Variants in EZH1 observed in about 807,000 individuals in gnomAD.
The protein encoded by EZH1 is enhancer of zeste 1 polycomb repressive complex 2 subunit.
EZH1 carries 33 observed loss-of-function variants against 100.5 expected under a neutral mutation model. The observed-to-expected ratio is 0.33, with a 90% CI of 0.25 to 0.44. EZH1 has a LOEUF of 0.44. EZH1 is among the 20% of genes least tolerant of loss of function. The pLI, the probability that EZH1 is intolerant of heterozygous loss-of-function variation, is 1.00. For missense variants in EZH1, 475 were observed against 928.4 expected (o/e 0.51, Z 6.35); for synonymous variants, 272 against 313.8 (o/e 0.87, Z 1.41).
In EZH1 at chr17:42,745,010, C is replaced by T; in HGVS notation, c.-103+1G>A. 1 of 1,273,816 alleles carries T rather than the reference C, an allele frequency of 7.9e-7. No individual in the cohort carries two copies. Among genetic ancestry groups the T allele is most frequent in the Non-Finnish European group, 1.0e-6 (1 of 982,810 alleles). The allele number at this position is 1,273,816 out of a possible 1,614,324, so 78.9% of individuals were successfully genotyped here. On this transcript the variant is annotated splice_donor_variant, in intron 1 of 20. Transcript: ENST00000428826. LOFTEE classifies it low-confidence loss of function (5UTR_SPLICE). Reference sequence around the variant, plus strand: ...CGGCCCAGGCTTGTTTACTCACTCACCCTCCATCCCGAGCCGCGGGTCCCG... The same window carrying T: ...CGGCCCAGGCTTGTTTACTCACTCATCCTCCATCCCGAGCCGCGGGTCCCG...
intron 1 of EZH1, among the ~76,000 whole-genome samples, chr17:42,743,553 T>G (rs2054219142): frequency 6.6e-6 from 1 of 151,596 alleles, no homozygotes; most frequent in Non-Finnish European, 1.5e-5. Context: ...CATTGCAACC[T>G]TGACCTCCCA....
intron 10 of EZH1, among the ~76,000 whole-genome samples, chr17:42,713,659 G>C (rs944343504): frequency 6.6e-6 from 1 of 152,134 alleles, no homozygotes; most frequent in African/African-American, 2.4e-5. Context: ...ATGGAGTGCA[G>C]AGGCCTGCTC....
intron 10 of EZH1, among the ~76,000 whole-genome samples, chr17:42,713,605 G>T (rs775610359): frequency 5.9e-5 from 9 of 151,678 alleles, no homozygotes; most frequent in South Asian, 2.1e-4. Context: ...ATGTTTTTTT[G>T]TTTGTTTGTT....
intron 12 of EZH1, among the ~76,000 whole-genome samples, chr17:42,711,148 C>G (rs1294048046): frequency 6.6e-6 from 1 of 151,932 alleles, no homozygotes; most frequent in African/African-American, 2.4e-5. Context: ...CCAGCCTGGC[C>G]AACATGGTGA....
chr17:42,708,763 CA>C (rs2053414430), intron 14 of EZH1, 112 bp downstream of exon 14: 2 of 1,138,686 alleles, frequency 1.8e-6, no homozygotes, highest in Non-Finnish European at 2.7e-6. Flanking sequence ...GAGAATTCTG[CA>C]ATCTGCGGAA....
chr17:42,724,419 G>A lies in EZH1; in HGVS notation c.252C>T (p.Thr84=), dbSNP rs745825740. The A allele has an allele frequency of 1.2e-6, 2 of 1,613,640 alleles. No individual in the cohort carries two copies. The highest frequency in any genetic ancestry group is 1.7e-6 in the Non-Finnish European group (2 of 1,179,752). ...CAAATCCCGGGAAAATGCTCTCTATGGTACACTGAAATATAAGCAATGACA... is the reference window on the plus strand; with the variant it reads ...CAAATCCCGGGAAAATGCTCTCTATAGTACACTGAAATATAAGCAATGACA... ...VSGHPFLKKC[T]IESIFPGFAS... The change falls in exon 5 of 21, where the codon ACC becomes ACT. Residue 84 remains threonine, a synonymous_variant. Transcript: ENST00000428826.
intron 1 of EZH1, among the ~76,000 whole-genome samples, chr17:42,739,627 T>C (rs2054137834): frequency 6.6e-6 from 1 of 151,696 alleles, no homozygotes; most frequent in South Asian, 2.1e-4. Context: ...CTCGGGAGGC[T>C]GAAGCAGGAG....
Position 42,702,290 on chromosome 17 carries a change from AAC to A in EZH1, c.*240_*241del, listed in dbSNP as rs2053257556. The A allele has an allele frequency of 4.6e-6, 2 of 430,438 alleles. No homozygotes were observed. Among genetic ancestry groups the A allele is most frequent in the Non-Finnish European group, 4.1e-6 (1 of 241,246 alleles). 26.7% of individuals were successfully genotyped at this position (430,438 alleles called of 1,614,324 possible). A position where few individuals can be genotyped will look rare whatever the true frequency, so the allele number is the denominator to read the frequency against. Reference sequence around the variant, plus strand: ...TGCTCGCTTCTTCTGAGGCCAGAGAAACAGTCTCCCATTTCTGTAACTCTCTG... The same window carrying A: ...TGCTCGCTTCTTCTGAGGCCAGAGAAAGTCTCCCATTTCTGTAACTCTCTG... On this transcript the variant is annotated 3_prime_UTR_variant, in exon 21 of 21. Coordinates refer to ENST00000428826, the MANE Select transcript of EZH1 (RefSeq NM_001991.5).
chr17:42,738,755 A>ATTTT (rs763333138), intron 1 of EZH1, among the ~76,000 whole-genome samples: 3 of 91,212 alleles, frequency 3.3e-5, no homozygotes, highest in African/African-American at 1.3e-4. Flanking sequence ...CCTGGCCTAG[A>ATTTT]TTTTTTTTTT....
chr17:42,743,448 G>A (rs1003839296), intron 1 of EZH1, among the ~76,000 whole-genome samples: 2 of 151,106 alleles, frequency 1.3e-5, no homozygotes, highest in Admixed American at 6.6e-5. Flanking sequence ...TGGGATTACA[G>A]GCATGAGCCA....
chr17:42,714,434 T>C (rs1171847425), intron 10 of EZH1: 1 of 339,752 alleles, frequency 2.9e-6, no homozygotes, highest in African/African-American at 2.1e-5. Context: ...AATCTGCATG[T>C]GGCGTGTGCC....
chr17:42,717,065 C>A (rs536341494), intron 10 of EZH1, among the ~76,000 whole-genome samples: 1 of 152,090 alleles, frequency 6.6e-6, no homozygotes, highest in Admixed American at 6.6e-5. Context: ...TTCATCGCTG[C>A]CATACCGCTG....
rs555041488 is a variant in EZH1, at chr17:42,703,855, A to T, written c.2018-35T>A. On this transcript the variant is annotated intron_variant, in intron 18 of 20. Coordinates refer to ENST00000428826, the MANE Select transcript of EZH1 (RefSeq NM_001991.5). ...GTAAATCAAGGAAAACCATAAGCAC[A>T]GCAGGCAATTCCACAGCTTCTCAGC... The T allele has an allele frequency of 2.1e-6, 3 of 1,444,860 alleles. No individual in the cohort carries two copies. The East Asian group carries it at 6.8e-5, about 33-fold the overall frequency. The allele number at this position is 1,444,860 out of a possible 1,614,324, so 89.5% of individuals were successfully genotyped here. A position where few individuals can be genotyped will look rare whatever the true frequency, so the allele number is the denominator to read the frequency against.
intron 14 of EZH1, among the ~76,000 whole-genome samples, chr17:42,708,632 G>T (rs1006068495): frequency 6.6e-6 from 1 of 152,210 alleles, no homozygotes; most frequent in African/African-American, 2.4e-5. Context: ...TCCAGCCTGG[G>T]TGACAGAGCG....
intron 18 of EZH1, among the ~76,000 whole-genome samples, chr17:42,704,219 A>C (rs1023418365): frequency 6.6e-6 from 1 of 152,094 alleles, no homozygotes; most frequent in Non-Finnish European, 1.5e-5. Context: ...CTAAACTTGG[A>C]CTACAGCAAG....
At position 42,702,981 on chromosome 17, in the gene EZH1, G is replaced by A. The variant is rs190357119; in HGVS notation, c.2099-20C>T. 1.4e-3 allele frequency: 2,197 copies of A among 1,613,366 alleles called. 31 individuals carry two copies. In the South Asian group the frequency reaches 0.016, roughly 12 times the overall value. ...TGACCACTGCAAGCAGGATAAACCC[G>A]AGGCTAGGTTCCTACCCAACTCCAA... On this transcript the variant is annotated intron_variant, in intron 19 of 20. Coordinates refer to ENST00000428826, the MANE Select transcript of EZH1 (RefSeq NM_001991.5).
chr17:42,724,587 G>C, intron 4 of EZH1, 163 bp from the exon 5 acceptor site: 1 of 651,546 alleles, frequency 1.5e-6, no homozygotes, highest in South Asian at 1.8e-5. Flanking sequence ...TTGGAGACCA[G>C]CCAGGCCAAC....
chr17:42,703,307 T>C (rs565566402), intron 19 of EZH1: 1 of 320,744 alleles, frequency 3.1e-6, no homozygotes, highest in African/African-American at 2.2e-5. Context: ...CCTGAGTAGC[T>C]GGGACTACAG....
chr17:42,721,944 G>T (rs1392964330), intron 6 of EZH1, among the ~76,000 whole-genome samples: 3 of 151,884 alleles, frequency 2.0e-5, no homozygotes, highest in Non-Finnish European at 1.5e-5. Flanking sequence ...AAGGTCAGGA[G>T]ATCGAGACCA....
Sources: allele counts gnomAD v4.1 joint callset (sites outside exome capture counted in the v4.1 genomes callset), GRCh38; gene constraint gnomAD v4.1.1; transcripts MANE v1.5; gene names NCBI Gene and HGNC (gene_info 2026-07-23, HGNC 2026-07-21).